SLN: variants seen among roughly 807,000 people sequenced by gnomAD.
SLN encodes the protein sarcolipin.
For missense variants in SLN, 34 were observed against 37.4 expected (o/e 0.91, Z 0.24); for synonymous variants, 19 against 14.4 (o/e 1.32, Z -0.72).
intron 1 of SLN, among the ~76,000 whole-genome samples, chr11:107,708,781 G>A (rs1354895478): frequency 6.6e-6 from 1 of 152,134 alleles, no homozygotes; most frequent in Non-Finnish European, 1.5e-5. Context: ...CAATAAGCAG[G>A]GGTACCAAAA....
chr11:107,712,041 C>G lies in SLN; in HGVS notation c.-154G>C, dbSNP rs1045777948. On this transcript the variant is annotated 5_prime_UTR_variant, in exon 1 of 2. Coordinates refer to ENST00000305991, the MANE Select transcript of SLN (RefSeq NM_003063.3). ...CCAACTTGAGCTCCAACTCCTTCTC[C>G]CCTCCCAGGCTGTCTGGACTCCTGG... The G allele has an allele frequency of 6.6e-6, 1 of 152,272 alleles. No individual in the cohort carries two copies. The highest frequency in any genetic ancestry group is 2.4e-5 in the African/African-American group (1 of 41,430). 9.4% of individuals were successfully genotyped at this position (152,272 alleles called of 1,614,324 possible).
chr11:107,710,471 A>G (rs1220455908), intron 1 of SLN, among the ~76,000 whole-genome samples: 1 of 152,068 alleles, frequency 6.6e-6, no homozygotes, highest in African/African-American at 2.4e-5. Context: ...TCTCAAGATT[A>G]CAGCTGAGAA....
intron 1 of SLN, among the ~76,000 whole-genome samples, chr11:107,710,499 G>A: frequency 6.9e-6 from 1 of 144,288 alleles, no homozygotes; most frequent in Non-Finnish European, 1.5e-5. Context: ...TTTAGAGAGA[G>A]GAGATTAAGA....
intron 1 of SLN, among the ~76,000 whole-genome samples, chr11:107,708,776 A>G (rs1867180937): frequency 2.0e-5 from 3 of 152,222 alleles, no homozygotes; most frequent in Admixed American, 1.3e-4. Flanking sequence ...AGTATCAATA[A>G]GCAGGGGTAC....
chr11:107,711,737 GA>G (rs1429536891), intron 1 of SLN, among the ~76,000 whole-genome samples: 1 of 149,612 alleles, frequency 6.7e-6, no homozygotes, highest in African/African-American at 2.5e-5. Context: ...CATAATACAA[GA>G]AAGAAAAAAA....
At chr11:107,710,733 T>C (rs1255592449) in intron 1 of SLN, among the ~76,000 whole-genome samples, 2 of 152,230 alleles carry the variant, frequency 1.3e-5, no homozygotes, top group Non-Finnish European at 2.9e-5. Flanking sequence ...GCATTTCACT[T>C]CTACCTTAAG....
At chr11:107,711,055 A>C (rs1386009621) in intron 1 of SLN, among the ~76,000 whole-genome samples, 2 of 152,226 alleles carry the variant, frequency 1.3e-5, no homozygotes, top group Middle Eastern at 3.2e-3. Flanking sequence ...ATGCAGACAT[A>C]GATGGTCAAA....
At chr11:107,710,193 A>C (rs902220012) in intron 1 of SLN, among the ~76,000 whole-genome samples, 3 of 152,242 alleles carry the variant, frequency 2.0e-5, no homozygotes, top group African/African-American at 7.2e-5. Context: ...CCAAATGTCC[A>C]TCTATTTGGG....
At chr11:107,708,051 C>T (rs1867174602) in intron 1 of SLN, 46 bp from the exon 2 acceptor site, 4 of 718,696 alleles carry the variant, frequency 5.6e-6, no homozygotes, top group East Asian at 2.5e-5. Flanking sequence ...AATGGGCATT[C>T]CTGTATAACA....
chr11:107,710,179 T>C (rs1232442942), intron 1 of SLN, among the ~76,000 whole-genome samples: 2 of 152,172 alleles, frequency 1.3e-5, no homozygotes, highest in Non-Finnish European at 2.9e-5. Flanking sequence ...AATAAAACCA[T>C]AGTCCAAATG....
intron 1 of SLN, among the ~76,000 whole-genome samples, chr11:107,711,710 G>GA (rs1477021015): frequency 1.3e-5 from 2 of 150,576 alleles, no homozygotes; most frequent in Non-Finnish European, 3.0e-5. Flanking sequence ...AGAGAAGATA[G>GA]AAAAAAGACC....
At chr11:107,710,611 A>G (rs1429732547) in intron 1 of SLN, among the ~76,000 whole-genome samples, 3 of 152,252 alleles carry the variant, frequency 2.0e-5, no homozygotes, top group African/African-American at 7.2e-5. Flanking sequence ...GTGAATTGTC[A>G]CTGCAATTAA....
Position 107,709,299 on chromosome 11 carries a change from A to G in SLN, c.-75-1294T>C, listed in dbSNP as rs192498210. Among the ~76,000 whole-genome samples, 3 of 152,356 alleles carry G rather than the reference A, an allele frequency of 2.0e-5. No individual in the cohort carries two copies. In the East Asian group the frequency reaches 5.8e-4, roughly 29 times the overall value. On this transcript the variant is annotated intron_variant, in intron 1 of 1. Transcript: ENST00000305991. ...AGATAATTCGATATCTATGTTTTAGACATTTAGGACCAAAGTCTACTGTAG... is the reference window on the plus strand; with the variant it reads ...AGATAATTCGATATCTATGTTTTAGGCATTTAGGACCAAAGTCTACTGTAG...
chr11:107,709,604 T>G (rs1000037969), intron 1 of SLN, among the ~76,000 whole-genome samples: 1 of 152,168 alleles, frequency 6.6e-6, no homozygotes, highest in East Asian at 1.9e-4. Context: ...CCTAGCTAAT[T>G]GGGAAGCTGA....
rs750146809 is a variant in SLN, at chr11:107,707,953, C to A, written c.-23G>T. 3 of 1,580,952 alleles carry A rather than the reference C, an allele frequency of 1.9e-6. No individual in the cohort carries two copies. Among genetic ancestry groups the A allele is most frequent in the Non-Finnish European group, 2.6e-6 (3 of 1,149,764 alleles). On this transcript the variant is annotated 5_prime_UTR_variant, in exon 2 of 2. Coordinates refer to ENST00000305991, the MANE Select transcript of SLN (RefSeq NM_003063.3). Reference sequence around the variant, plus strand: ...CATTTTCACAGCGGCTTGGTGAGAACTGCAGGCAGATTTCTGAGGGCACAC... The same window carrying A: ...CATTTTCACAGCGGCTTGGTGAGAAATGCAGGCAGATTTCTGAGGGCACAC...
Position 107,707,925 on chromosome 11 carries a change from C to G in SLN, c.6G>C (p.Gly2=). The change falls in exon 2 of 2, where the codon GGG becomes GGC. Residue 2 remains glycine, a synonymous_variant. Coordinates refer to ENST00000305991, the MANE Select transcript of SLN (RefSeq NM_003063.3). M[G]INTRELFLNF... The stretch of plus-strand genomic sequence containing the variant: ...TGAGAAACAGCTCCCGGGTGTTTAT[C>G]CCCATTTTCACAGCGGCTTGGTGAG... 1 of 1,613,752 alleles carries G rather than the reference C, an allele frequency of 6.2e-7. No individual in the cohort carries two copies.
chr11:107,709,971 G>A (rs1483555787), intron 1 of SLN, among the ~76,000 whole-genome samples: 4 of 152,182 alleles, frequency 2.6e-5, no homozygotes, highest in African/African-American at 9.6e-5. Context: ...ATAAAAAGGG[G>A]AAAAAATAGA....
At chr11:107,711,448 G>C (rs1867208725) in intron 1 of SLN, among the ~76,000 whole-genome samples, 1 of 152,156 alleles carries the variant, frequency 6.6e-6, no homozygotes, top group African/African-American at 2.4e-5. Flanking sequence ...GTAAGGTGTG[G>C]TGTGAACATT....
chr11:107,708,865 G>C (rs1867181909), intron 1 of SLN, among the ~76,000 whole-genome samples: 1 of 152,092 alleles, frequency 6.6e-6, no homozygotes, highest in African/African-American at 2.4e-5. Flanking sequence ...AATCTTTCAG[G>C]CCTCAGGCTG....
Sources: gnomAD v4.1 joint callset for allele counts (sites outside exome capture counted in the v4.1 genomes callset) on GRCh38, gnomAD v4.1.1 for gene constraint, MANE v1.5 for transcripts, NCBI Gene and HGNC (gene_info 2026-07-23, HGNC 2026-07-21) for gene names.